Variants in ARHGEF26 observed in about 807,000 individuals in gnomAD.
ARHGEF26 encodes the protein Rho guanine nucleotide exchange factor 26.
In ARHGEF26, 59 loss-of-function variants were observed where a neutral mutation model predicts 89.4. That is an observed-to-expected ratio of 0.66 (90% CI 0.54 to 0.82). The LOEUF (loss-of-function observed/expected upper bound fraction) is 0.82. ARHGEF26 is among the 40% of genes least tolerant of loss of function. The probability of loss-of-function intolerance (pLI) is 0.00; values close to 1 mark genes in which losing one functional copy is unlikely to be tolerated. For missense variants in ARHGEF26, 1,234 were observed against 1,085.6 expected (o/e 1.14, Z -1.92); for synonymous variants, 500 against 428.4 (o/e 1.17, Z -2.06).
chr3:154,129,084 T>C (rs951751797), intron 3 of ARHGEF26, among the ~76,000 whole-genome samples: 8 of 152,228 alleles, frequency 5.3e-5, no homozygotes, highest in African/African-American at 1.9e-4. Context: ...TTTGACAGTT[T>C]TTTTAATTAA....
At chr3:154,150,741 T>G (rs979594093) in intron 5 of ARHGEF26, among the ~76,000 whole-genome samples, 6 of 152,278 alleles carry the variant, frequency 3.9e-5, no homozygotes, top group African/African-American at 1.4e-4. Context: ...TCCAAGATAT[T>G]AATCCCATTT....
chr3:154,122,705 A>T lies in ARHGEF26; in HGVS notation c.713A>T (p.Asn238Ile). The change falls in exon 2 of 15, where the codon AAC (asparagine) becomes ATC (isoleucine). Residue 238 changes from asparagine (N) to isoleucine (I), a missense_variant. By Grantham distance (149) the Asn-to-Ile change is moderately radical. Transcript: ENST00000465093. Reference sequence around the variant, plus strand: ...AATCCTTCCGTGGTTTTGAGTACAAACAGCCCCGCCGCCCTCAAAGTGGGG... The same window carrying T: ...AATCCTTCCGTGGTTTTGAGTACAATCAGCCCCGCCGCCCTCAAAGTGGGG... Reference protein sequence around the residue: ...LENPSVVLSTNSPAALKVGKQ... With the variant: ...LENPSVVLSTISPAALKVGKQ... The T allele has an allele frequency of 6.2e-7, 1 of 1,613,656 alleles. No homozygotes were observed. The highest frequency in any genetic ancestry group is 8.5e-7 in the Non-Finnish European group (1 of 1,179,762).
intron 6 of ARHGEF26, among the ~76,000 whole-genome samples, chr3:154,162,971 T>C (rs929236693): frequency 2.6e-5 from 4 of 152,190 alleles, no homozygotes; most frequent in Admixed American, 2.0e-4. Flanking sequence ...CGCATGATGG[T>C]AGGAGGTGCT....
At chr3:154,255,282 C>T in intron 14 of ARHGEF26, 49 bp from the exon 15 acceptor site, 1 of 1,574,116 alleles carries the variant, frequency 6.4e-7, no homozygotes. Flanking sequence ...TGGAGCCTGG[C>T]ACACTCCAAA....
rs759413071 is a variant in ARHGEF26 at position 154,122,457 on chromosome 3, C to T, written c.465C>T (p.Pro155=). Residue 155 remains proline (P), a synonymous_variant, in exon 2 of 15, where the codon CCC becomes CCT. Coordinates refer to ENST00000465093, the MANE Select transcript of ARHGEF26 (RefSeq NM_015595.4). The part of the protein sequence containing the change: ...RPPRTPNAPA[P]CTPEEDLTGL... ...CGCGGACTCCTAACGCGCCCGCCCC[C>T]TGCACCCCCGAGGAGGACCTTACTG... 2 of 1,612,260 alleles carry T rather than the reference C, an allele frequency of 1.2e-6. No homozygotes were observed. The highest frequency in any genetic ancestry group is 1.1e-5 in the South Asian group (1 of 91,028).
At chr3:154,121,851 A>C (rs1717944954) in intron 1 of ARHGEF26, 91 bp from the exon 2 acceptor site, 2 of 1,173,770 alleles carry the variant, frequency 1.7e-6, no homozygotes. Flanking sequence ...CCTGCGCAGC[A>C]GCAGGGGGAC....
At chr3:154,186,940 G>C (rs1179045280) in intron 6 of ARHGEF26, among the ~76,000 whole-genome samples, 11 of 119,266 alleles carry the variant, frequency 9.2e-5, no homozygotes, top group African/African-American at 3.6e-4. Context: ...TCGCCAGGCT[G>C]GAGTCCAGTG....
In ARHGEF26 at chr3:154,186,886, C is replaced by CTTTTTTTTTTTTT. The variant is rs201150057; in HGVS notation, c.1488-783_1488-771dup. Among the ~76,000 whole-genome samples, 19 of 82,072 alleles carry CTTTTTTTTTTTTT rather than the reference C, an allele frequency of 2.3e-4. 5 individuals are homozygous for CTTTTTTTTTTTTT. Among genetic ancestry groups the CTTTTTTTTTTTTT allele is most frequent in the African/African-American group, 7.6e-4 (16 of 21,162 alleles). 53.8% of individuals were successfully genotyped at this position (82,072 alleles called of 152,430 possible). ...CATATACTGTTAGATTTATTTCAGA[C>CTTTTTTTTTTTTT]TTTTTTTTTTTTTTTTTTTTTTTTT... On this transcript the variant is annotated intron_variant, in intron 6 of 14. Coordinates refer to ENST00000465093, the MANE Select transcript of ARHGEF26 (RefSeq NM_015595.4).
At chr3:154,190,029 T>A (rs9862844) in intron 7 of ARHGEF26, among the ~76,000 whole-genome samples, 27,437 of 151,632 alleles carry the variant, frequency 0.18, 2,734 homozygotes, top group South Asian at 0.36. Flanking sequence ...AACATTTTTT[T>A]TAAAAAAAAT....
chr3:154,220,443 C>T (rs1002062236), intron 10 of ARHGEF26, among the ~76,000 whole-genome samples: 2 of 152,118 alleles, frequency 1.3e-5, no homozygotes, highest in African/African-American at 4.8e-5. Flanking sequence ...GGACTTGGAG[C>T]AGTCTGGCAA....
intron 9 of ARHGEF26, among the ~76,000 whole-genome samples, chr3:154,208,366 CCTTT>C (rs911766954): frequency 4.9e-4 from 75 of 152,196 alleles, no homozygotes; most frequent in African/African-American, 1.6e-3. Context: ...CTTTCAGGAT[CCTTT>C]CTTTATCTGT....
chr3:154,122,341 C>G lies in ARHGEF26; in HGVS notation c.349C>G (p.Pro117Ala), dbSNP rs767766616. 4.3e-6 allele frequency: 7 copies of G among 1,612,738 alleles called. No homozygotes were observed. In the Admixed American group the frequency reaches 1.0e-4, roughly 23 times the overall value. ...RLRRPKSPKL[P>A]KAVPGGSPKS... ...TCGACGGCCCAAGTCACCCAAGCTC[C>G]CCAAAGCGGTGCCTGGCGGCTCCCC... is the stretch of plus-strand genomic sequence containing the variant. Residue 117 changes from proline to alanine, a missense_variant, in exon 2 of 15, where the codon CCC becomes GCC. By Grantham distance (27) the Pro-to-Ala change is conservative. Transcript: ENST00000465093.
chr3:154,196,914 A>G (rs1188254988), intron 9 of ARHGEF26, among the ~76,000 whole-genome samples: 2 of 152,178 alleles, frequency 1.3e-5, no homozygotes, highest in Non-Finnish European at 2.9e-5. Flanking sequence ...GCACAGAGAA[A>G]AAAATAGGAA....
At chr3:154,207,788 C>T in intron 9 of ARHGEF26, among the ~76,000 whole-genome samples, 1 of 152,168 alleles carries the variant, frequency 6.6e-6, no homozygotes, top group East Asian at 1.9e-4. Flanking sequence ...TATAAAGACA[C>T]ATGCACATGT....
At chr3:154,140,898 T>TA (rs907595164) in intron 4 of ARHGEF26, among the ~76,000 whole-genome samples, 3 of 151,262 alleles carry the variant, frequency 2.0e-5, no homozygotes, top group African/African-American at 7.3e-5. Flanking sequence ...TCTCATAACT[T>TA]ACACTTGAGC....
At chr3:154,149,659 G>A (rs927892928) in intron 5 of ARHGEF26, among the ~76,000 whole-genome samples, 1 of 152,026 alleles carries the variant, frequency 6.6e-6, no homozygotes, top group Non-Finnish European at 1.5e-5. Context: ...ACTCAACATC[G>A]TTTGATTTTA....
At chr3:154,200,133 C>T (rs762058279) in intron 9 of ARHGEF26, among the ~76,000 whole-genome samples, 5 of 151,982 alleles carry the variant, frequency 3.3e-5, no homozygotes, top group Non-Finnish European at 7.4e-5. Context: ...GAATTTTTGC[C>T]CAGACCAATG....
At chr3:154,127,878 C>T (rs185237406) in intron 3 of ARHGEF26, among the ~76,000 whole-genome samples, 5 of 152,190 alleles carry the variant, frequency 3.3e-5, no homozygotes, top group African/African-American at 4.8e-5. Flanking sequence ...ATGGGACCAC[C>T]GTTGTAGATG....
At chr3:154,132,794 T>G (rs1256570390) in intron 4 of ARHGEF26, among the ~76,000 whole-genome samples, 1 of 152,174 alleles carries the variant, frequency 6.6e-6, no homozygotes, top group Non-Finnish European at 1.5e-5. Flanking sequence ...GTATAATGTA[T>G]ATATTAAACC....
Sources: allele counts gnomAD v4.1 joint callset (sites outside exome capture counted in the v4.1 genomes callset), GRCh38; gene constraint gnomAD v4.1.1; transcripts MANE v1.5; gene names NCBI Gene and HGNC (gene_info 2026-07-23, HGNC 2026-07-21).